The following CFAP90 variants were observed in gnomAD, a reference collection of about 807,000 sequenced individuals.
CFAP90 encodes the protein cilia- and flagella-associated protein 90.
the CFAP90 span, among the ~76,000 whole-genome samples, chr5:7,848,694 G>T: frequency 6.6e-6 from 1 of 152,102 alleles, no homozygotes; most frequent in East Asian, 1.9e-4. Context: ...ACATGTCCTG[G>T]GAGGGACCGT....
the CFAP90 span, chr5:7,835,425 T>A: frequency 3.1e-6 from 5 of 1,607,828 alleles, no homozygotes; most frequent in Non-Finnish European, 4.3e-6. Flanking sequence ...ATGTTCTCTG[T>A]CATCTCGGTG....
the CFAP90 span, among the ~76,000 whole-genome samples, chr5:7,847,046 G>A: frequency 1.3e-5 from 2 of 152,166 alleles, no homozygotes; most frequent in East Asian, 1.9e-4. Flanking sequence ...AAATTTAGGT[G>A]TAACTGAGTT....
the CFAP90 span, among the ~76,000 whole-genome samples, chr5:7,835,934 C>T: frequency 6.6e-6 from 1 of 152,156 alleles, no homozygotes; most frequent in African/African-American, 2.4e-5. Flanking sequence ...CTGGAGGCTG[C>T]GAAGTCCAAG....
At chr5:7,844,857 G>A in the CFAP90 span, among the ~76,000 whole-genome samples, 1 of 152,154 alleles carries the variant, frequency 6.6e-6, no homozygotes, top group African/African-American at 2.4e-5. Context: ...GGAGGACCTG[G>A]GGAGGCTCAT....
the CFAP90 span, chr5:7,850,930 A>G: frequency 1.5e-6 from 2 of 1,357,520 alleles, no homozygotes; most frequent in Non-Finnish European, 1.9e-6. Flanking sequence ...CCGCGGCGGG[A>G]TGTAGCTGAA....
chr5:7,833,261 ATATG>A, the CFAP90 span, among the ~76,000 whole-genome samples: 27 of 151,946 alleles, frequency 1.8e-4, no homozygotes, highest in Non-Finnish European at 8.8e-5. Flanking sequence ...ACAATATTAA[ATATG>A]TATGTGTATA....
At chr5:7,834,724 T>C in the CFAP90 span, among the ~76,000 whole-genome samples, 6 of 152,338 alleles carry the variant, frequency 3.9e-5, no homozygotes, top group East Asian at 1.2e-3. Flanking sequence ...ATACTTAGCA[T>C]TGTGTTTTAA....
At chr5:7,837,528 T>A in the CFAP90 span, among the ~76,000 whole-genome samples, 1 of 152,198 alleles carries the variant, frequency 6.6e-6, no homozygotes, top group Non-Finnish European at 1.5e-5. Flanking sequence ...CTTTATACAG[T>A]ATGTTGGAAA....
At chr5:7,833,984 A>G in the CFAP90 span, among the ~76,000 whole-genome samples, 3 of 152,244 alleles carry the variant, frequency 2.0e-5, no homozygotes, top group African/African-American at 7.2e-5. Context: ...AGTACTTGAC[A>G]ATAATAATAA....
chr5:7,850,533 C>A, the CFAP90 span, among the ~76,000 whole-genome samples: 1 of 149,816 alleles, frequency 6.7e-6, no homozygotes, highest in Admixed American at 6.6e-5. Flanking sequence ...GTGAACCCTG[C>A]CCCAAGGCCC....
At chr5:7,849,899 C>T in the CFAP90 span, among the ~76,000 whole-genome samples, 1 of 152,126 alleles carries the variant, frequency 6.6e-6, no homozygotes, top group Non-Finnish European at 1.5e-5. Context: ...CCTGGGCCTG[C>T]CGCAGACAGA....
chr5:7,850,924 G>T, the CFAP90 span: 1 of 1,360,236 alleles, frequency 7.4e-7, no homozygotes. Flanking sequence ...CAGGCGCCGC[G>T]GCGGGATGTA....
the CFAP90 span, chr5:7,830,940 T>C: frequency 6.6e-6 from 1 of 152,208 alleles, no homozygotes; most frequent in African/African-American, 2.4e-5. Context: ...TAAAGTCAAG[T>C]CATTGCTGTG....
At chr5:7,851,055 G>A in the CFAP90 span, 3 of 1,236,464 alleles carry the variant, frequency 2.4e-6, no homozygotes, top group South Asian at 3.9e-5. Context: ...CCTTGGCCGC[G>A]GTCCGTCCCG....
the CFAP90 span, among the ~76,000 whole-genome samples, chr5:7,849,245 T>G: frequency 6.6e-6 from 1 of 152,058 alleles, no homozygotes; most frequent in Admixed American, 6.5e-5. Context: ...TGTCCAAGAG[T>G]GCTTACACTT....
the CFAP90 span, chr5:7,831,814 G>A: frequency 6.3e-7 from 1 of 1,580,712 alleles, no homozygotes; most frequent in Non-Finnish European, 8.7e-7. Flanking sequence ...CCAGGCCACA[G>A]GGTATCGGAC....
chr5:7,831,984 T>C, the CFAP90 span: 1 of 1,613,422 alleles, frequency 6.2e-7, no homozygotes, highest in Non-Finnish European at 8.5e-7. Context: ...TTGATGCGCT[T>C]CCCATAGACA....
chr5:7,839,114 T>TC, the CFAP90 span, among the ~76,000 whole-genome samples: 1 of 152,128 alleles, frequency 6.6e-6, no homozygotes, highest in Admixed American at 6.5e-5. Context: ...TGCAGGGAAC[T>TC]CCCCTTTTTA....
At chr5:7,839,059 G>A in the CFAP90 span, among the ~76,000 whole-genome samples, 7 of 152,228 alleles carry the variant, frequency 4.6e-5, no homozygotes, top group Admixed American at 3.3e-4. Context: ...CATGGCAGAA[G>A]GTGAAAGGCA....
Sources: gnomAD v4.1 joint callset for allele counts (sites outside exome capture counted in the v4.1 genomes callset) on GRCh38, gnomAD v4.1.1 for gene constraint, MANE v1.5 for transcripts, NCBI Gene and HGNC (gene_info 2026-07-23, HGNC 2026-07-21) for gene names.